Variants in JAKMIP1 observed in about 807,000 individuals in gnomAD.
The protein encoded by JAKMIP1 is janus kinase and microtubule-interacting protein 1.
In JAKMIP1, 33 loss-of-function variants were observed where a neutral mutation model predicts 113.0. That is an observed-to-expected ratio of 0.29 (90% confidence interval 0.22 to 0.39). The LOEUF is 0.39. Among genes scored for constraint, JAKMIP1 ranks in the 10% least tolerant of loss-of-function variants. The pLI, the probability that JAKMIP1 is intolerant of heterozygous loss-of-function variation, is 1.00. For missense variants in JAKMIP1, 813 were observed against 1,080.5 expected, an observed-to-expected ratio of 0.75 and a Z score of 3.47; for synonymous variants, 480 against 459.9, an observed-to-expected ratio of 1.04 and a Z score of -0.56.
chr4:6,092,610 G>A (rs1722246540), intron 3 of JAKMIP1, among the ~76,000 whole-genome samples: 1 of 152,232 alleles, frequency 6.6e-6, no homozygotes, highest in African/African-American at 2.4e-5. Flanking sequence ...TTCTGTCACT[G>A]AAGCTCTCAG....
chr4:6,197,884 C>A lies in JAKMIP1; in HGVS notation c.-148+2369G>T, dbSNP rs774335045. ...AAGCATTAGAAATTGTTCCCTCTGC[C>A]ACTTGTCCCACAGCCCAATCCACCC... On this transcript the variant is annotated intron_variant, in intron 1 of 20. Coordinates refer to ENST00000409021, the MANE Select transcript of JAKMIP1 (RefSeq NM_001099433.2). The surrounding 1 kb of genome is among the most constrained non-coding windows in gnomAD (Gnocchi z 6.5). Among the ~76,000 whole-genome samples, 1 of 152,226 alleles carries A rather than the reference C, an allele frequency of 6.6e-6. No individual in the cohort carries two copies.
intron 1 of JAKMIP1, among the ~76,000 whole-genome samples, chr4:6,170,444 T>TCAGCACCCTTACCA (rs1560316128): frequency 1.1e-3 from 2 of 1,886 alleles, no homozygotes; most frequent in South Asian, 0.021. Context: ...CACCACCACC[T>TCAGCACCCTTACCA]CCATCACCAT....
At chr4:6,191,263 A>T (rs748025723) in intron 1 of JAKMIP1, among the ~76,000 whole-genome samples, 6 of 152,046 alleles carry the variant, frequency 3.9e-5, no homozygotes, top group Non-Finnish European at 5.9e-5. Flanking sequence ...TGCGCTCCTC[A>T]CCAGGCCTTC....
chr4:6,189,479 A>T (rs1243802875), intron 1 of JAKMIP1, among the ~76,000 whole-genome samples: 1 of 152,200 alleles, frequency 6.6e-6, no homozygotes, highest in East Asian at 1.9e-4. Flanking sequence ...AGCAATGGCG[A>T]GAACATACTG....
rs1366766714 is a variant in JAKMIP1 at position 6,186,214 on chromosome 4, G to A, written c.-148+14039C>T. Among the ~76,000 whole-genome samples, 3 of 152,242 alleles carry A rather than the reference G, an allele frequency of 2.0e-5. No individual in the cohort carries two copies. Among genetic ancestry groups the A allele is most frequent in the African/African-American group, 7.2e-5 (3 of 41,468 alleles). On this transcript the variant is annotated intron_variant, in intron 1 of 20. Coordinates refer to ENST00000409021, the MANE Select transcript of JAKMIP1 (RefSeq NM_001099433.2). This position sits in a 1 kb window ranked among gnomAD's most constrained non-coding sequence, Gnocchi z 5.5. ...CCTGGAGCTTGCCAGGGGCAGGTCA[G>A]GCGGATGGGCAGGATGCAGACTGAG...
At chr4:6,068,847 G>A (rs1484405995) in intron 8 of JAKMIP1, among the ~76,000 whole-genome samples, 1 of 152,168 alleles carries the variant, frequency 6.6e-6, no homozygotes, top group Non-Finnish European at 1.5e-5. Flanking sequence ...TGGGATCACA[G>A]GTGTGAGCCA....
At position 6,154,175 on chromosome 4, in the gene JAKMIP1, G is replaced by A. The variant is rs1273471503; in HGVS notation, c.-147-41178C>T. On this transcript the variant is annotated intron_variant, in intron 1 of 20. Coordinates refer to ENST00000409021, the MANE Select transcript of JAKMIP1 (RefSeq NM_001099433.2). This position sits in a 1 kb window ranked among gnomAD's most constrained non-coding sequence, Gnocchi z 4.2. Reference sequence around the variant, plus strand: ...CAGGGAGACACTGACCCTCGCAGGAGGGAAGACAGAGCGGAGCTGGACACA... The same window carrying A: ...CAGGGAGACACTGACCCTCGCAGGAAGGAAGACAGAGCGGAGCTGGACACA... 3.9e-5 allele frequency among the ~76,000 whole-genome samples: 6 copies of A among 152,220 alleles called. No homozygotes were observed. Among genetic ancestry groups the A allele is most frequent in the Non-Finnish European group, 8.8e-5 (6 of 68,038 alleles).
chr4:6,104,780 G>A (rs1306730167), intron 3 of JAKMIP1, among the ~76,000 whole-genome samples: 1 of 152,146 alleles, frequency 6.6e-6, no homozygotes, highest in African/African-American at 2.4e-5. Context: ...AGCTGGGCTC[G>A]CCAGCCTCCC....
chr4:6,076,592 C>A lies in JAKMIP1; in HGVS notation c.1302+2347G>T, dbSNP rs561880953. Among the ~76,000 whole-genome samples, 5 of 152,280 alleles carry A rather than the reference C, an allele frequency of 3.3e-5. No individual in the cohort carries two copies. In the South Asian group the frequency reaches 1.0e-3, roughly 32 times the overall value. On this transcript the variant is annotated intron_variant, in intron 8 of 20. Coordinates refer to ENST00000409021, the MANE Select transcript of JAKMIP1 (RefSeq NM_001099433.2). The surrounding 1 kb of genome is among the most constrained non-coding windows in gnomAD (Gnocchi z 4.8). ...CGCTGCAGTAAAGGCCACCAGGAGG[C>A]AGCCTGGGAGCCAAATTGCACCCAT... is the stretch of plus-strand genomic sequence containing the variant.
intron 18 of JAKMIP1, among the ~76,000 whole-genome samples, chr4:6,038,401 T>C (rs988627899): frequency 8.3e-6 from 1 of 121,124 alleles, no homozygotes; most frequent in Non-Finnish European, 1.7e-5. Flanking sequence ...TAGCCCTCTG[T>C]CACCGAGGTA....
At chr4:6,046,494 G>A (rs997642945) in intron 16 of JAKMIP1, among the ~76,000 whole-genome samples, 2 of 152,096 alleles carry the variant, frequency 1.3e-5, no homozygotes, top group African/African-American at 2.4e-5. Flanking sequence ...AGGCTAGGGC[G>A]ACTGGCACAG....
chr4:6,122,107 G>T (rs1017706252), intron 1 of JAKMIP1, among the ~76,000 whole-genome samples: 2 of 152,218 alleles, frequency 1.3e-5, no homozygotes, highest in African/African-American at 4.8e-5. Context: ...CACTTTGGGA[G>T]GCCGAGGCGG....
At position 6,093,041 on chromosome 4, in the gene JAKMIP1, T is replaced by C. The variant is rs1450742876; in HGVS notation, c.625-7412A>G. Among the ~76,000 whole-genome samples the C allele has an allele frequency of 1.3e-5, 2 of 152,258 alleles. No individual in the cohort carries two copies. Among genetic ancestry groups the C allele is most frequent in the Non-Finnish European group, 2.9e-5 (2 of 68,046 alleles). ...CATATCATCATGGCTATTTTAGAGATATGGTTAAAATGATCACATCATGCC... is the reference window on the plus strand; with the variant it reads ...CATATCATCATGGCTATTTTAGAGACATGGTTAAAATGATCACATCATGCC... On this transcript the variant is annotated intron_variant, in intron 3 of 20. Transcript: ENST00000409021. The surrounding 1 kb of genome is among the most constrained non-coding windows in gnomAD (Gnocchi z 4.6).
At position 6,158,934 on chromosome 4, in the gene JAKMIP1, C is replaced by A. The variant is rs1450146746; in HGVS notation, c.-148+41319G>T. Reference sequence around the variant, plus strand: ...TGAAACCCCATCTCTACAAAAAATACAAAAATTAGCGGGGCATAGTGGCAT... The same window carrying A: ...TGAAACCCCATCTCTACAAAAAATAAAAAAATTAGCGGGGCATAGTGGCAT... On this transcript the variant is annotated intron_variant, in intron 1 of 20. Transcript: ENST00000409021. This position sits in a 1 kb window ranked among gnomAD's most constrained non-coding sequence, Gnocchi z 5.3. Among the ~76,000 whole-genome samples, 2 of 151,834 alleles carry A rather than the reference C, an allele frequency of 1.3e-5. No homozygotes were observed. The highest frequency in any genetic ancestry group is 2.9e-5 in the Non-Finnish European group (2 of 67,960).
chr4:6,045,778 G>T (rs1024695273), intron 16 of JAKMIP1, among the ~76,000 whole-genome samples: 1 of 152,126 alleles, frequency 6.6e-6, no homozygotes, highest in African/African-American at 2.4e-5. Flanking sequence ...GCTGAAGCAC[G>T]AGAATCACTT....
rs1167403727 is a variant in JAKMIP1 at position 6,065,167 on chromosome 4, G to A, written c.1303-159C>T. On this transcript the variant is annotated intron_variant, in intron 8 of 20. Transcript: ENST00000409021. This position sits in a 1 kb window ranked among gnomAD's most constrained non-coding sequence, Gnocchi z 5.1. ...TGGTGGGCTTCGTAACTGACTGGGT[G>A]GGATAAAAGGTGGCAGCAGGTGGCG... is the stretch of plus-strand genomic sequence containing the variant. 6.6e-6 allele frequency among the ~76,000 whole-genome samples: 1 copy of A among 152,218 alleles called. No individual in the cohort carries two copies. Among genetic ancestry groups the A allele is most frequent in the Admixed American group, 6.5e-5 (1 of 15,294 alleles).
At position 6,155,707 on chromosome 4, in the gene JAKMIP1, T is replaced by C. The variant is rs555947730; in HGVS notation, c.-147-42710A>G. On this transcript the variant is annotated intron_variant, in intron 1 of 20. Transcript: ENST00000409021. The surrounding 1 kb of genome is among the most constrained non-coding windows in gnomAD (Gnocchi z 6.1). ...TGCTAAATATTCACCAACAACTGTA[T>C]GTCCCATGGCACATTTATAGAACGG... 1.0e-3 allele frequency among the ~76,000 whole-genome samples: 156 copies of C among 152,362 alleles called. No homozygotes were observed. Among genetic ancestry groups the C allele is most frequent in the African/African-American group, 3.7e-3 (152 of 41,588 alleles).
chr4:6,069,170 G>T lies in JAKMIP1; in HGVS notation c.1303-4162C>A, dbSNP rs775380281. On this transcript the variant is annotated intron_variant, in intron 8 of 20. Coordinates refer to ENST00000409021, the MANE Select transcript of JAKMIP1 (RefSeq NM_001099433.2). The surrounding 1 kb of genome is among the most constrained non-coding windows in gnomAD (Gnocchi z 4.5). Reference sequence around the variant, plus strand: ...ACCACCTGCTTCTCAAGAGATGAGGGGAGAACCGCCCAGAAAACATTGTTT... The same window carrying T: ...ACCACCTGCTTCTCAAGAGATGAGGTGAGAACCGCCCAGAAAACATTGTTT... Among the ~76,000 whole-genome samples the T allele has an allele frequency of 1.3e-5, 2 of 152,048 alleles. No homozygotes were observed. The highest frequency in any genetic ancestry group is 2.9e-5 in the Non-Finnish European group (2 of 68,012).
rs1057227064 is a variant in JAKMIP1, at chr4:6,199,085, G to C, written c.-148+1168C>G. ...TCAGGAGGGGCAAGGGGATCTCCCTGACTACAAGGAGCTGGCCAGCTGAAG... is the reference window on the plus strand; with the variant it reads ...TCAGGAGGGGCAAGGGGATCTCCCTCACTACAAGGAGCTGGCCAGCTGAAG... On this transcript the variant is annotated intron_variant, in intron 1 of 20. Coordinates refer to ENST00000409021, the MANE Select transcript of JAKMIP1 (RefSeq NM_001099433.2). This position sits in a 1 kb window ranked among gnomAD's most constrained non-coding sequence, Gnocchi z 5.6. Among the ~76,000 whole-genome samples the C allele has an allele frequency of 1.3e-5, 2 of 152,286 alleles. No homozygotes were observed. Among genetic ancestry groups the C allele is most frequent in the Admixed American group, 6.5e-5 (1 of 15,292 alleles).
Sources: allele counts gnomAD v4.1 joint callset (sites outside exome capture counted in the v4.1 genomes callset), GRCh38; gene constraint gnomAD v4.1.1; non-coding constraint Gnocchi (gnomAD v3.1); transcripts MANE v1.5; gene names NCBI Gene and HGNC (gene_info 2026-07-23, HGNC 2026-07-21).